NANOS3: variants seen among roughly 807,000 people sequenced by gnomAD.
NANOS3 encodes nanos homolog 3.
A neutral mutation model predicts 13.8 loss-of-function variants in NANOS3; 11 were observed. That is an observed-to-expected ratio of 0.80 (90% CI 0.50 to 1.32). The LOEUF (loss-of-function observed/expected upper bound fraction) is 1.32. Among genes scored for constraint, NANOS3 ranks in the 40% most tolerant of loss-of-function variants. NANOS3 has a pLI of 0.00. For synonymous variants in NANOS3, 119 were observed against 115.4 expected (o/e 1.03, Z -0.20); for missense variants, 221 against 263.8 (o/e 0.84, Z 1.12).
At chr19:13,876,551 G>A (rs1253633922), upstream of NANOS3, among the ~76,000 whole-genome samples, 2 of 152,104 alleles carry the variant, frequency 1.3e-5, no homozygotes, top group South Asian at 2.1e-4. Context: ...TAAGACAACC[G>A]ATGTGAAAAC....
At chr19:13,868,754 G>C (rs1976280533) in intron 1 of NANOS3, among the ~76,000 whole-genome samples, 1 of 151,750 alleles carries the variant, frequency 6.6e-6, no homozygotes, top group South Asian at 2.1e-4. Context: ...GGATGGGGGG[G>C]ACACCATGAC....
chr19:13,865,161 C>G (rs1976212714), upstream of NANOS3, among the ~76,000 whole-genome samples: 1 of 151,432 alleles, frequency 6.6e-6, no homozygotes, highest in Non-Finnish European at 1.5e-5. Context: ...GACCCACCGC[C>G]CGGCGCGGCG....
chr19:13,874,773 C>T (rs781688768), upstream of NANOS3: 19 of 534,254 alleles, frequency 3.6e-5, no homozygotes, highest in South Asian at 2.5e-4. Context: ...AACCATCGAC[C>T]GTTGAGTGGA....
At chr19:13,879,076 A>G (rs533569360) in intron 1 of NANOS3, among the ~76,000 whole-genome samples, 4 of 151,994 alleles carry the variant, frequency 2.6e-5, no homozygotes, top group Non-Finnish European at 5.9e-5. Context: ...AGTAGCTGGG[A>G]TTACAGGCAC....
At chr19:13,872,900 GTGC>G (rs1372353433), upstream of NANOS3, among the ~76,000 whole-genome samples, 1 of 152,154 alleles carries the variant, frequency 6.6e-6, no homozygotes, top group Non-Finnish European at 1.5e-5. Flanking sequence ...GCTCTAGAAG[GTGC>G]CGGGAGGCGG....
At chr19:13,864,129 C>T (rs780054630), upstream of NANOS3, among the ~76,000 whole-genome samples, 1 of 151,958 alleles carries the variant, frequency 6.6e-6, no homozygotes, top group Non-Finnish European at 1.5e-5. Context: ...GCGGTGGCCA[C>T]TGCGGGCAGG....
Position 13,877,147 on chromosome 19 carries a change from GGGAA to G in NANOS3, c.-95_-92del. 3 of 993,704 alleles carry G rather than the reference GGGAA, an allele frequency of 3.0e-6. No individual in the cohort carries two copies. The highest frequency in any genetic ancestry group is 4.5e-6 in the Non-Finnish European group (3 of 661,892). The allele number at this position is 993,704 out of a possible 1,614,324, so 61.6% of individuals were successfully genotyped here. Reference sequence around the variant, plus strand: ...GCACAGACTCCCAGGCTCCAGAGAGGGGAAGGAAGGGGCAGCAGAGAGGGGTCAG... The same window carrying G: ...GCACAGACTCCCAGGCTCCAGAGAGGGGAAGGGGCAGCAGAGAGGGGTCAG... On this transcript the variant is annotated 5_prime_UTR_variant, in exon 1 of 2. Coordinates refer to ENST00000339133, the MANE Select transcript of NANOS3 (RefSeq NM_001098622.3).
chr19:13,866,767 G>C (rs1378342077), intron 1 of NANOS3, among the ~76,000 whole-genome samples: 2 of 152,112 alleles, frequency 1.3e-5, no homozygotes, highest in African/African-American at 4.8e-5. Flanking sequence ...GGCACACACA[G>C]ACTCCGACTC....
At position 13,877,462 on chromosome 19, in the gene NANOS3, G is replaced by T; in HGVS notation, c.214G>T (p.Ala72Ser). 6.2e-7 allele frequency: 1 copy of T among 1,611,484 alleles called. No homozygotes were observed. Among genetic ancestry groups the T allele is most frequent in the Admixed American group, 1.7e-5 (1 of 60,022 alleles). The change falls in exon 1 of 2, where the codon GCT becomes TCT. Residue 72 changes from alanine to serine, a missense_variant. This residue lies in a region of NANOS3 where 112 missense variants were observed against 116.3 expected (regional missense o/e 0.96). Transcript: ENST00000339133. ...DQKRSLESSP[A>S]PERLCSFCKH... The stretch of plus-strand genomic sequence containing the variant: ...GAAGCGCAGCCTGGAGTCCTCGCCA[G>T]CTCCCGAACGCCTGTGCTCTTTCTG...
chr19:13,869,597 C>T (rs1976293436), intron 1 of NANOS3, among the ~76,000 whole-genome samples: 1 of 151,942 alleles, frequency 6.6e-6, no homozygotes, highest in East Asian at 1.9e-4. Context: ...TGAAACGAGA[C>T]ACCCCTGCTT....
In NANOS3 at chr19:13,877,551, G is replaced by C; in HGVS notation, c.303G>C (p.Arg101Ser). Residue 101 changes from arginine (R) to serine (S), a missense_variant, in exon 1 of 2, where the codon AGG becomes AGC. By Grantham distance (110) the Arg-to-Ser change is moderately radical. Coordinates refer to ENST00000339133, the MANE Select transcript of NANOS3 (RefSeq NM_001098622.3). ...QSHVLKDEAG[R>S]VLCPILRDYV... ...ACGTGCTGAAGGACGAGGCTGGCAG[G>C]GTGCTGTGTCCCATCCTGCGGGACT... The C allele has an allele frequency of 6.2e-7, 1 of 1,612,358 alleles. No homozygotes were observed. Among genetic ancestry groups the C allele is most frequent in the Non-Finnish European group, 8.5e-7 (1 of 1,179,988 alleles).
intron 1 of NANOS3, among the ~76,000 whole-genome samples, chr19:13,869,637 T>C (rs1431181021): frequency 2.0e-5 from 3 of 151,614 alleles, no homozygotes; most frequent in Non-Finnish European, 4.4e-5. Context: ...GCCATCACCG[T>C]GACCCCACGG....
In NANOS3 at chr19:13,877,491, A is replaced by G. The variant is rs756376414; in HGVS notation, c.243A>G (p.Lys81=). 1.9e-5 allele frequency: 31 copies of G among 1,611,502 alleles called. 1 individual carries two copies. In the East Asian group the frequency reaches 6.7e-4, roughly 35 times the overall value. Residue 81 remains lysine, a synonymous_variant, in exon 1 of 2, where the codon AAA becomes AAG. Transcript: ENST00000339133. The part of the protein sequence containing the change: ...PAPERLCSFC[K]HNGESRAIYQ... ...CCGAACGCCTGTGCTCTTTCTGCAA[A>G]CACAACGGCGAGTCCCGGGCCATCT... is the stretch of plus-strand genomic sequence containing the variant.
At chr19:13,864,466 A>G (rs1252020950), upstream of NANOS3, among the ~76,000 whole-genome samples, 2 of 152,036 alleles carry the variant, frequency 1.3e-5, no homozygotes, top group Admixed American at 1.3e-4. Context: ...CGACTGGTCC[A>G]TTTGACCCGA....
chr19:13,863,558 G>A (rs1302725327), upstream of NANOS3, among the ~76,000 whole-genome samples: 1 of 151,966 alleles, frequency 6.6e-6, no homozygotes, highest in Non-Finnish European at 1.5e-5. Flanking sequence ...GCCGGCAGGG[G>A]GGCGGGCGGC....
At chr19:13,873,882 G>A (rs533510206), upstream of NANOS3, among the ~76,000 whole-genome samples, 2 of 148,342 alleles carry the variant, frequency 1.3e-5, no homozygotes, top group East Asian at 2.1e-4. Flanking sequence ...ATAGGGGTGC[G>A]TACCTGTAGG....
chr19:13,876,102 G>A (rs1459938260), upstream of NANOS3, among the ~76,000 whole-genome samples: 4 of 152,132 alleles, frequency 2.6e-5, no homozygotes, highest in Non-Finnish European at 4.4e-5. Context: ...GCCTCAGGGG[G>A]CCCCAGTAAC....
upstream of NANOS3, among the ~76,000 whole-genome samples, chr19:13,863,471 G>C (rs1048589262): frequency 6.6e-6 from 1 of 152,140 alleles, no homozygotes; most frequent in Non-Finnish European, 1.5e-5. Flanking sequence ...TCCTGCCTCG[G>C]CCTCCCAAAG....
upstream of NANOS3, among the ~76,000 whole-genome samples, chr19:13,873,330 C>A (rs1433307316): frequency 1.3e-5 from 2 of 150,710 alleles, no homozygotes; most frequent in African/African-American, 4.9e-5. Context: ...GGTTCCGTTG[C>A]CACCACCGTG....
Sources: allele counts gnomAD v4.1 joint callset (sites outside exome capture counted in the v4.1 genomes callset), GRCh38; gene constraint gnomAD v4.1.1; regional missense constraint gnomAD v4.1.1; transcripts MANE v1.5; gene names NCBI Gene and HGNC (gene_info 2026-07-23, HGNC 2026-07-21).